UNC13B: variants seen among roughly 807,000 people sequenced by gnomAD.
The protein encoded by UNC13B is protein unc-13 homolog B.
Under a neutral mutation model 211.0 loss-of-function variants are expected in UNC13B, and 144 were observed. That is an observed-to-expected ratio of 0.68 (90% CI 0.60 to 0.78). UNC13B has a LOEUF of 0.78. Among genes scored for constraint, UNC13B ranks in the 30% least tolerant of loss-of-function variants. UNC13B has a pLI of 0.00. For missense variants in UNC13B, 1,777 were observed against 2,002.0 expected, an observed-to-expected ratio of 0.89 and a Z score of 2.14; for synonymous variants, 709 against 725.8, an observed-to-expected ratio of 0.98 and a Z score of 0.37.
intron 30 of UNC13B, 62 bp from the exon 31 acceptor site, chr9:35,398,149 C>T: frequency 6.6e-7 from 1 of 1,512,216 alleles, no homozygotes; most frequent in Non-Finnish European, 9.0e-7. Flanking sequence ...GGGAGGGAAC[C>T]TAGGCTAATG....
intron 1 of UNC13B, among the ~76,000 whole-genome samples, chr9:35,169,335 CAG>C (rs1340465884): frequency 6.6e-6 from 1 of 152,164 alleles, no homozygotes; most frequent in Non-Finnish European, 1.5e-5. Context: ...GCCTGGGTAA[CAG>C]AGCCATCTCA....
In UNC13B at chr9:35,306,360, C is replaced by G. The variant is rs1343324316; in HGVS notation, c.6956C>G (p.Ser2319Ter). The stretch of plus-strand genomic sequence containing the variant: ...AGTTCCAATATTGTACCAGGGACAT[C>G]AGTGGATTTCCAGATGAATGAATTG... The part of the protein sequence containing the change: ...KLSSNIVPGT[S>*]VDFQMNELQK... Residue 2319 changes from serine to a stop codon, truncating the protein, a stop_gained, in exon 9 of 40, where the codon TCA becomes TGA. Coordinates refer to ENST00000635942, the MANE Select transcript of UNC13B (RefSeq NM_001371189.2). LOFTEE classifies it high-confidence loss of function. The G allele has an allele frequency of 2.5e-6, 1 of 398,906 alleles. No homozygotes were observed. Among genetic ancestry groups the G allele is most frequent in the African/African-American group, 2.1e-5 (1 of 48,630 alleles). 24.7% of individuals were successfully genotyped at this position (398,906 alleles called of 1,614,324 possible). A position where few individuals can be genotyped will look rare whatever the true frequency, so the allele number is the denominator to read the frequency against.
chr9:35,339,803 C>T (rs1445747667), intron 11 of UNC13B, among the ~76,000 whole-genome samples: 1 of 152,238 alleles, frequency 6.6e-6, no homozygotes, highest in Non-Finnish European at 1.5e-5. Flanking sequence ...GGGTGGGTTC[C>T]ATTAGCCTCA....
At chr9:35,377,942 T>G (rs1834542797) in intron 16 of UNC13B, among the ~76,000 whole-genome samples, 1 of 151,862 alleles carries the variant, frequency 6.6e-6, no homozygotes, top group Admixed American at 6.6e-5. Flanking sequence ...CGCTGTAGAC[T>G]TGGCTAACAG....
At position 35,191,287 on chromosome 9, in the gene UNC13B, T is replaced by C. The variant is rs543020649; in HGVS notation, c.22+28982T>C. ...TATTTTCAAAGGGGTGATAAGTAAC[T>C]TTTGAAACTCTCATTGCAAAATTGT... is the stretch of plus-strand genomic sequence containing the variant. On this transcript the variant is annotated intron_variant, in intron 1 of 39. Transcript: ENST00000635942. Among the ~76,000 whole-genome samples, 20 of 152,252 alleles carry C rather than the reference T, an allele frequency of 1.3e-4. No individual in the cohort carries two copies. The South Asian group carries it at 4.1e-3, about 32-fold the overall frequency.
At chr9:35,353,101 G>A in intron 11 of UNC13B, 1 of 1,232,156 alleles carries the variant, frequency 8.1e-7, no homozygotes, top group South Asian at 4.1e-5. Context: ...GTGACAGCAT[G>A]ATGGAGGAAA....
At chr9:35,341,939 G>A in intron 11 of UNC13B, 1 of 985,604 alleles carries the variant, frequency 1.0e-6, no homozygotes, top group Non-Finnish European at 1.2e-6. Flanking sequence ...TCCACATCCA[G>A]TTGAAGTTTG....
At position 35,302,992 on chromosome 9, in the gene UNC13B, T is replaced by G. The variant is rs767275620; in HGVS notation, c.3588T>G (p.Ile1196Met). The stretch of plus-strand genomic sequence containing the variant: ...ACCTGCTATCAAATAGCGGTATGAT[T>G]GATCATAAACCAGAGGAAGCAAAGT... ...IFNLLSNSGM[I>M]DHKPEEAKFM... Residue 1196 changes from isoleucine to methionine, a missense_variant, in exon 9 of 40, where the codon ATT becomes ATG. Transcript: ENST00000635942. The G allele has an allele frequency of 7.0e-5, 28 of 398,596 alleles. No homozygotes were observed. The highest frequency in any genetic ancestry group is 1.2e-4 in the Non-Finnish European group (26 of 225,794). The allele number at this position is 398,596 out of a possible 1,614,324, so 24.7% of individuals were successfully genotyped here.
intron 27 of UNC13B, 22 bp from the exon 28 acceptor site, chr9:35,396,819 T>C: frequency 6.2e-7 from 1 of 1,613,892 alleles, no homozygotes; most frequent in Non-Finnish European, 8.5e-7. Context: ...TCTAAGCCCC[T>C]GTTCTCCTGC....
intron 1 of UNC13B, among the ~76,000 whole-genome samples, chr9:35,216,795 A>T (rs2131439980): frequency 6.6e-6 from 1 of 152,374 alleles, no homozygotes; most frequent in South Asian, 2.1e-4. Flanking sequence ...AAATGTAAAT[A>T]GTCTAAACAC....
At chr9:35,247,706 A>T (rs1587459895) in intron 6 of UNC13B, among the ~76,000 whole-genome samples, 1 of 152,206 alleles carries the variant, frequency 6.6e-6, no homozygotes, top group East Asian at 1.9e-4. Flanking sequence ...GATGAAGCCC[A>T]CTTAATCATG....
At chr9:35,264,414 G>C (rs1365912843) in intron 7 of UNC13B, among the ~76,000 whole-genome samples, 4 of 152,202 alleles carry the variant, frequency 2.6e-5, no homozygotes, top group Non-Finnish European at 2.9e-5. Flanking sequence ...TTTTGTAGAA[G>C]GTAGAACCTG....
intron 11 of UNC13B, among the ~76,000 whole-genome samples, chr9:35,345,464 A>G (rs1177035482): frequency 5.3e-5 from 8 of 152,150 alleles, no homozygotes; most frequent in Admixed American, 5.2e-4. Context: ...GGGATAAGAA[A>G]TTTGGTCAGA....
Position 35,318,426 on chromosome 9 carries a change from C to T in UNC13B, c.9414+4437C>T, listed in dbSNP as rs1293880809. ...GCCACCCCAATCACTCCTTCACCCT[C>T]CACTCAAGATAATCTTGTTAGTTTC... is the stretch of plus-strand genomic sequence containing the variant. On this transcript the variant is annotated intron_variant, in intron 11 of 39. Transcript: ENST00000635942. 2.0e-5 allele frequency among the ~76,000 whole-genome samples: 3 copies of T among 152,170 alleles called. No homozygotes were observed. The East Asian group carries it at 5.8e-4, about 29-fold the overall frequency.
At chr9:35,223,845 C>G (rs547397955) in intron 1 of UNC13B, among the ~76,000 whole-genome samples, 268 of 152,034 alleles carry the variant, frequency 1.8e-3, no homozygotes, top group African/African-American at 6.2e-3. Context: ...GTGATAGGTG[C>G]CCAGTTTCAT....
At chr9:35,384,193 G>A (rs1441793770) in intron 21 of UNC13B, 53 bp from the exon 22 acceptor site, 1 of 1,610,788 alleles carries the variant, frequency 6.2e-7, no homozygotes, top group South Asian at 1.1e-5. Context: ...TAGTTTAGGG[G>A]ACTCAGACAC....
In UNC13B at chr9:35,237,952, ACT is replaced by A. The variant is rs1412987126; in HGVS notation, c.394+131_394+132del. ...CTTTGAGGATATTTTGTCTTCATTC[ACT>A]CTCTTTCTCATAACACTTCACCCAG... On this transcript the variant is annotated intron_variant, in intron 5 of 39. Transcript: ENST00000635942. 7 of 1,017,158 alleles carry A rather than the reference ACT, an allele frequency of 6.9e-6. No homozygotes were observed. The African/African-American group carries it at 8.1e-5, about 12-fold the overall frequency. 63.0% of individuals were successfully genotyped at this position (1,017,158 alleles called of 1,614,324 possible).
intron 6 of UNC13B, among the ~76,000 whole-genome samples, chr9:35,250,011 C>T (rs928625354): frequency 4.6e-5 from 7 of 151,964 alleles, no homozygotes; most frequent in Non-Finnish European, 5.9e-5. Flanking sequence ...GCTTACAATT[C>T]GGTGGCTTTC....
At chr9:35,240,098 T>C (rs1825725993) in intron 5 of UNC13B, among the ~76,000 whole-genome samples, 1 of 152,180 alleles carries the variant, frequency 6.6e-6, no homozygotes. Context: ...ACAATTTATG[T>C]TCAGAGATTG....
Sources: gnomAD v4.1 joint callset for allele counts (sites outside exome capture counted in the v4.1 genomes callset) on GRCh38, gnomAD v4.1.1 for gene constraint, MANE v1.5 for transcripts, NCBI Gene and HGNC (gene_info 2026-07-23, HGNC 2026-07-21) for gene names.